Variants in PEX5 observed in about 807,000 individuals in gnomAD.
The protein encoded by PEX5 is PTS1 receptor.
A neutral mutation model predicts 82.9 loss-of-function variants in PEX5; 52 were observed. That is an observed-to-expected ratio of 0.63 (90% CI 0.50 to 0.79). The LOEUF (loss-of-function observed/expected upper bound fraction) is 0.79, where lower values mean the gene tolerates loss of function less well. Among genes scored for constraint, PEX5 ranks in the 30% least tolerant of loss-of-function variants. The pLI, the probability that PEX5 is intolerant of heterozygous loss-of-function variation, is 0.00. For missense variants in PEX5, 719 were observed against 815.2 expected, an observed-to-expected ratio of 0.88 and a Z score of 1.44; for synonymous variants, 300 against 318.8, an observed-to-expected ratio of 0.94 and a Z score of 0.63.
At position 7,190,910 on chromosome 12, in the gene PEX5, C is replaced by T; in HGVS notation, c.170C>T (p.Ala57Val). ...SEAASKPLGV[A>V]SEDELVAEFL... is the part of the protein sequence containing the mutation. ...TAGGCCTCCAAGCCTTTGGGAGTAG[C>T]TTCTGAAGATGAGGTAAATAGACCA... The change falls in exon 3 of 16, where the codon GCT becomes GTT. Residue 57 changes from alanine to valine, a missense_variant. Coordinates refer to ENST00000675855, the MANE Select transcript of PEX5 (RefSeq NM_001351132.2). 1 of 1,613,260 alleles carries T rather than the reference C, an allele frequency of 6.2e-7. No homozygotes were observed. The highest frequency in any genetic ancestry group is 8.5e-7 in the Non-Finnish European group (1 of 1,179,150).
intron 9 of PEX5, among the ~76,000 whole-genome samples, chr12:7,203,210 ACTGC>A (rs1944351428): frequency 2.4e-4 from 3 of 12,628 alleles, no homozygotes; most frequent in Non-Finnish European, 6.4e-4. Context: ...ACTGCACTGC[ACTGC>A]ACTGCACTAC....
chr12:7,210,457 C>T lies in PEX5; in HGVS notation c.*234C>T, dbSNP rs1326193995. ...CTTGGTAATTCAAGGGCTGTACATC[C>T]AGCTACAGATCTCTCTGCTCATCAT... is the stretch of plus-strand genomic sequence containing the variant. On this transcript the variant is annotated 3_prime_UTR_variant, in exon 16 of 16. Coordinates refer to ENST00000675855, the MANE Select transcript of PEX5 (RefSeq NM_001351132.2). The T allele has an allele frequency of 1.5e-5, 9 of 603,996 alleles. No individual in the cohort carries two copies. In the East Asian group the frequency reaches 2.0e-4, roughly 13 times the overall value. The allele number at this position is 603,996 out of a possible 1,614,324, so 37.4% of individuals were successfully genotyped here.
intron 6 of PEX5, among the ~76,000 whole-genome samples, chr12:7,200,724 C>A (rs778248633): frequency 1.3e-5 from 2 of 152,246 alleles, no homozygotes; most frequent in Admixed American, 1.3e-4. Flanking sequence ...CCCGTCTCCA[C>A]CAAAAAAATA....
rs755560349 is a variant in PEX5 at position 7,208,993 on chromosome 12, C to G, written c.1395-12C>G. On this transcript the variant is annotated splice_polypyrimidine_tract_variant and intron_variant, in intron 13 of 15. Coordinates refer to ENST00000675855, the MANE Select transcript of PEX5 (RefSeq NM_001351132.2). ...CATCTACCTACTTTGTGTTTTTTTC[C>G]TTTTCATCCAGCTCCCTGTTTCTTG... 5 of 1,613,498 alleles carry G rather than the reference C, an allele frequency of 3.1e-6. No homozygotes were observed. In the South Asian group the frequency reaches 5.5e-5, roughly 18 times the overall value.
intron 6 of PEX5, among the ~76,000 whole-genome samples, chr12:7,201,308 T>C (rs1294921793): frequency 1.7e-5 from 2 of 119,722 alleles, no homozygotes; most frequent in Non-Finnish European, 1.8e-5. Flanking sequence ...CACATACACA[T>C]ACACATGTAT....
At chr12:7,200,109 C>A (rs1361989713) in intron 6 of PEX5, among the ~76,000 whole-genome samples, 1 of 148,180 alleles carries the variant, frequency 6.7e-6, no homozygotes. Flanking sequence ...GGCTGCCGGG[C>A]GGAGACGCTC....
chr12:7,216,258 G>A (rs1222555621), downstream of PEX5, among the ~76,000 whole-genome samples: 2 of 152,320 alleles, frequency 1.3e-5, no homozygotes, highest in East Asian at 1.9e-4. Flanking sequence ...GTGAGCCACC[G>A]TGCCCGGCCC....
At chr12:7,200,688 G>T (rs1377509218) in intron 6 of PEX5, among the ~76,000 whole-genome samples, 1 of 152,148 alleles carries the variant, frequency 6.6e-6, no homozygotes, top group Admixed American at 6.5e-5. Context: ...AGGAGCTGGA[G>T]ACCAGCCCGG....
At chr12:7,191,824 G>GGGTAC (rs1296617926) in intron 5 of PEX5, 124 bp downstream of exon 5, 2 of 901,276 alleles carry the variant, frequency 2.2e-6, no homozygotes, top group African/African-American at 3.3e-5. Flanking sequence ...TAGAGGGGTA[G>GGGTAC]GGTACTGAAC....
Position 7,190,475 on chromosome 12 carries a change from A to G in PEX5, c.98A>G (p.Glu33Gly), listed in dbSNP as rs1940826229. ...ACCCAGGACAAGGCCCTTCGGCAGG[A>G]GGGATTGAGGCCTGGCCCCTGGCCC... Reference protein sequence around the residue: ...HFTQDKALRQEGLRPGPWPPG... With the variant: ...HFTQDKALRQGGLRPGPWPPG... The change falls in exon 2 of 16, where the codon GAG (glutamate) becomes GGG (glycine). Residue 33 changes from glutamate (E) to glycine (G), a missense_variant. By Grantham distance (98) the Glu-to-Gly change is moderately conservative. Transcript: ENST00000675855. 6.2e-7 allele frequency: 1 copy of G among 1,613,794 alleles called. No homozygotes were observed. The highest frequency in any genetic ancestry group is 2.2e-5 in the East Asian group (1 of 44,798).
At chr12:7,205,349 CTT>C (rs137916540) in intron 10 of PEX5, among the ~76,000 whole-genome samples, 2 of 152,100 alleles carry the variant, frequency 1.3e-5, no homozygotes, top group Non-Finnish European at 2.9e-5. Flanking sequence ...GTCAATAGAA[CTT>C]TTTAAAAACA....
At chr12:7,212,192 C>T (rs942212176), downstream of PEX5, among the ~76,000 whole-genome samples, 4 of 151,594 alleles carry the variant, frequency 2.6e-5, no homozygotes, top group African/African-American at 7.3e-5. Context: ...CTCGAACGCC[C>T]GACCTCAGGC....
At chr12:7,196,311 TTTAA>T (rs200498082) in intron 5 of PEX5, among the ~76,000 whole-genome samples, 9,476 of 80,588 alleles carry the variant, frequency 0.12, 493 homozygotes, top group South Asian at 0.3. Context: ...TCATATATAA[TTTAA>T]TTATATATGT....
intron 17 of PEX5, chr12:7,218,360 A>G (rs1003508919): frequency 6.6e-6 from 1 of 152,224 alleles, no homozygotes; most frequent in African/African-American, 2.4e-5. Context: ...TGGAAACTGT[A>G]CGACTGGGTT....
At chr12:7,203,207 TGCA>T (rs1944350198) in intron 9 of PEX5, among the ~76,000 whole-genome samples, 1 of 12,806 alleles carries the variant, frequency 7.8e-5, no homozygotes, top group Non-Finnish European at 3.2e-4. Context: ...TGCACTGCAC[TGCA>T]CTGCACTGCA....
Position 7,210,547 on chromosome 12 carries a change from G to A in PEX5, c.*324G>A, listed in dbSNP as rs1945442277. The stretch of plus-strand genomic sequence containing the variant: ...TTTAGGGTAACTGTTATCATCAGCT[G>A]CCATTTCTGATAGGGTCTACCACAT... On this transcript the variant is annotated 3_prime_UTR_variant, in exon 16 of 16. Transcript: ENST00000675855. 3.5e-5 allele frequency: 16 copies of A among 452,262 alleles called. No homozygotes were observed. The highest frequency in any genetic ancestry group is 3.3e-4 in the South Asian group (16 of 48,180). 28.0% of individuals were successfully genotyped at this position (452,262 alleles called of 1,614,324 possible).
intron 5 of PEX5, among the ~76,000 whole-genome samples, chr12:7,197,432 C>T (rs117028872): frequency 0.013 from 1,095 of 85,504 alleles, 66 homozygotes; most frequent in South Asian, 0.016. Context: ...ATGTCATATA[C>T]AATGTAATTA....
At position 7,193,292 on chromosome 12, in the gene PEX5, G is replaced by A. The variant is rs146975270; in HGVS notation, c.448+1592G>A. On this transcript the variant is annotated intron_variant, in intron 5 of 15. Transcript: ENST00000675855. ...GCTCTCACCCAGGGTGGAGTGCAGC[G>A]GTGCAATCTGTACGCACTGCAACCT... 3.0e-3 allele frequency among the ~76,000 whole-genome samples: 451 copies of A among 149,606 alleles called. 1 individual carries two copies. The highest frequency in any genetic ancestry group is 9.1e-3 in the African/African-American group (366 of 40,204).
chr12:7,207,727 C>T lies in PEX5; in HGVS notation c.1035C>T (p.Arg345=). 4.3e-6 allele frequency: 7 copies of T among 1,614,124 alleles called. No individual in the cohort carries two copies. Among genetic ancestry groups the T allele is most frequent in the Non-Finnish European group, 5.1e-6 (6 of 1,179,992 alleles). ...AGCCTTTTGAAGAAGGGCTGCGGCG[C>T]CTTCAGGAGGGGGACCTGCCAAATG... ...HPQPFEEGLR[R]LQEGDLPNAV... Residue 345 remains arginine, a synonymous_variant, in exon 11 of 16, where the codon CGC becomes CGT. Transcript: ENST00000675855.
Sources: gnomAD v4.1 joint callset for allele counts (sites outside exome capture counted in the v4.1 genomes callset) on GRCh38, gnomAD v4.1.1 for gene constraint, MANE v1.5 for transcripts, NCBI Gene and HGNC (gene_info 2026-07-23, HGNC 2026-07-21) for gene names.